Variants in RPTOR observed in about 807,000 individuals in gnomAD.
RPTOR encodes the protein regulatory-associated protein of mTOR.
Under a neutral mutation model 169.9 loss-of-function variants are expected in RPTOR, and 21 were observed. The ratio of observed to expected loss-of-function variants is 0.12; its 90% CI spans 0.09 to 0.18. RPTOR has a LOEUF of 0.18. Among genes scored for constraint, RPTOR ranks in the 10% least tolerant of loss-of-function variants. The probability of loss-of-function intolerance (pLI) is 1.00; values close to 1 mark genes in which losing one functional copy is unlikely to be tolerated. For synonymous variants in RPTOR, 732 were observed against 753.2 expected (o/e 0.97, Z 0.46); for missense variants, 1,133 against 1,855.9 (o/e 0.61, Z 7.16).
At chr17:80,655,218 T>G (rs558302837) in intron 3 of RPTOR, among the ~76,000 whole-genome samples, 2 of 152,094 alleles carry the variant, frequency 1.3e-5, no homozygotes, top group African/African-American at 4.8e-5. Context: ...CCCGAATAGC[T>G]GGGACTGCAG....
intron 6 of RPTOR, among the ~76,000 whole-genome samples, chr17:80,761,281 G>T (rs1179358011): frequency 6.6e-6 from 1 of 152,174 alleles, no homozygotes; most frequent in African/African-American, 2.4e-5. Context: ...GATGTCTATT[G>T]CACTGTGCTG....
intron 6 of RPTOR, chr17:80,773,828 G>A (rs1348579779): frequency 1.0e-6 from 1 of 985,294 alleles, no homozygotes; most frequent in Non-Finnish European, 1.2e-6. Context: ...AGGAACGCTT[G>A]GTGCCTGGGT....
chr17:80,879,341 A>C, intron 13 of RPTOR, among the ~76,000 whole-genome samples: 2 of 143,812 alleles, frequency 1.4e-5, no homozygotes, highest in Admixed American at 6.9e-5. Context: ...CCTCCTGCCC[A>C]ACGCCACCTG....
At chr17:80,701,052 A>G (rs146861285) in intron 3 of RPTOR, among the ~76,000 whole-genome samples, 33 of 152,216 alleles carry the variant, frequency 2.2e-4, no homozygotes, top group African/African-American at 7.2e-4. Flanking sequence ...GGTGATTCTC[A>G]GGTTTCTGTT....
At chr17:80,828,810 C>T (rs370069172) in intron 9 of RPTOR, among the ~76,000 whole-genome samples, 2 of 152,308 alleles carry the variant, frequency 1.3e-5, no homozygotes, top group South Asian at 2.1e-4. Context: ...AATAACTCTA[C>T]TACCTAACAG....
chr17:80,854,357 G>A (rs989078393), intron 11 of RPTOR, among the ~76,000 whole-genome samples: 19 of 152,232 alleles, frequency 1.2e-4, no homozygotes, highest in African/African-American at 2.2e-4. Context: ...GCTCAGCGAC[G>A]TTAACTTGCC....
At chr17:80,795,413 C>T (rs1051395321) in intron 7 of RPTOR, among the ~76,000 whole-genome samples, 1 of 152,200 alleles carries the variant, frequency 6.6e-6, no homozygotes, top group Non-Finnish European at 1.5e-5. Context: ...TTCCCAGAAC[C>T]AGTGCATCCC....
At chr17:80,594,786 T>C (rs1435701674) in intron 1 of RPTOR, among the ~76,000 whole-genome samples, 1 of 152,248 alleles carries the variant, frequency 6.6e-6, no homozygotes, top group Non-Finnish European at 1.5e-5. Context: ...TAACAGTGGC[T>C]GCACTGTGGC....
chr17:80,746,678 C>T lies in RPTOR; in HGVS notation c.655-7332C>T, dbSNP rs1360536687. Among the ~76,000 whole-genome samples, 1 of 152,108 alleles carries T rather than the reference C, an allele frequency of 6.6e-6. No individual in the cohort carries two copies. Among genetic ancestry groups the T allele is most frequent in the Non-Finnish European group, 1.5e-5 (1 of 68,014 alleles). ...ACCATGGCTCTGGGCTGGAATTGGT[C>T]ACTTTTAGGCCTGGGCACTGTTCAC... On this transcript the variant is annotated intron_variant, in intron 5 of 33. Transcript: ENST00000306801. This position sits in a 1 kb window ranked among gnomAD's most constrained non-coding sequence, Gnocchi z 4.5.
intron 7 of RPTOR, among the ~76,000 whole-genome samples, chr17:80,792,575 G>A (rs1259785843): frequency 1.3e-5 from 2 of 152,170 alleles, no homozygotes; most frequent in African/African-American, 4.8e-5. Context: ...ACCTAACAGA[G>A]CTCAGTGCCC....
At chr17:80,819,279 G>A (rs2067355465) in intron 7 of RPTOR, among the ~76,000 whole-genome samples, 1 of 152,222 alleles carries the variant, frequency 6.6e-6, no homozygotes, top group Admixed American at 6.5e-5. Context: ...ATAAAGACAA[G>A]GAAGGGTATC....
At chr17:80,818,970 C>T (rs948196750) in intron 7 of RPTOR, among the ~76,000 whole-genome samples, 9 of 152,178 alleles carry the variant, frequency 5.9e-5, no homozygotes, top group South Asian at 2.1e-4. Context: ...GTCACAGACT[C>T]GGGAACAGCA....
chr17:80,943,195 G>A (rs556150433), intron 25 of RPTOR, among the ~76,000 whole-genome samples: 23 of 152,350 alleles, frequency 1.5e-4, no homozygotes, highest in Admixed American at 6.5e-4. Flanking sequence ...ACAAGCGGAG[G>A]GGCTGTCAGC....
At chr17:80,802,265 C>T (rs934220918) in intron 7 of RPTOR, 3 of 152,264 alleles carry the variant, frequency 2.0e-5, no homozygotes, top group Admixed American at 6.5e-5. Context: ...GGCATTCGCT[C>T]CACCTCCTCA....
chr17:80,917,366 G>A (rs111261319), intron 21 of RPTOR, among the ~76,000 whole-genome samples: 38,624 of 151,932 alleles, frequency 0.25, 5,949 homozygotes, highest in Middle Eastern at 0.35. Context: ...CACCTGTCTC[G>A]GCCTCCCAAA....
chr17:80,861,077 A>G lies in RPTOR; in HGVS notation c.1509+3177A>G, dbSNP rs74004025. ...CAGCAAAATATTTTCCCTGCTACCC[A>G]TTAAACTACAGATAAAGAATGACTG... On this transcript the variant is annotated intron_variant, in intron 13 of 33. Coordinates refer to ENST00000306801, the MANE Select transcript of RPTOR (RefSeq NM_020761.3). This position sits in a 1 kb window ranked among gnomAD's most constrained non-coding sequence, Gnocchi z 4.5. Among the ~76,000 whole-genome samples, 15 of 145,108 alleles carry G rather than the reference A, an allele frequency of 1.0e-4. 2 individuals are homozygous for G. Among genetic ancestry groups the G allele is most frequent in the African/African-American group, 3.4e-4 (14 of 41,094 alleles).
At chr17:80,838,428 C>T (rs912141921) in intron 10 of RPTOR, among the ~76,000 whole-genome samples, 6 of 152,216 alleles carry the variant, frequency 3.9e-5, no homozygotes, top group African/African-American at 1.4e-4. Flanking sequence ...TGCACGGGCG[C>T]TGGAGAGCTG....
At chr17:80,627,408 G>A (rs1382137913) in intron 2 of RPTOR, among the ~76,000 whole-genome samples, 1 of 152,182 alleles carries the variant, frequency 6.6e-6, no homozygotes, top group Non-Finnish European at 1.5e-5. Flanking sequence ...TGTAACAAAT[G>A]CCATAATCAA....
intron 6 of RPTOR, among the ~76,000 whole-genome samples, chr17:80,760,867 G>A (rs1416172945): frequency 6.6e-6 from 1 of 152,212 alleles, no homozygotes; most frequent in Non-Finnish European, 1.5e-5. Flanking sequence ...AGAATGCGGT[G>A]TGCTGGGTAA....
Sources: gnomAD v4.1 joint callset for allele counts (sites outside exome capture counted in the v4.1 genomes callset) on GRCh38, gnomAD v4.1.1 for gene constraint, Gnocchi (gnomAD v3.1) non-coding constraint, MANE v1.5 for transcripts, NCBI Gene and HGNC (gene_info 2026-07-23, HGNC 2026-07-21) for gene names.